EPB41L2: variants seen among roughly 807,000 people sequenced by gnomAD.
The protein encoded by EPB41L2 is band 4.1-like protein 2.
In EPB41L2, 43 loss-of-function variants were observed where a neutral mutation model predicts 113.0. The observed-to-expected ratio is 0.38, with a 90% CI of 0.30 to 0.49. The LOEUF (loss-of-function observed/expected upper bound fraction) is 0.49. EPB41L2 is among the 20% of genes least tolerant of loss of function. The pLI is 0.95. For missense variants in EPB41L2, 1,147 were observed against 1,223.4 expected (o/e 0.94, Z 0.93); for synonymous variants, 442 against 436.7 (o/e 1.01, Z -0.15).
chr6:130,876,896 A>G (rs574080386), intron 14 of EPB41L2: 16 of 373,822 alleles, frequency 4.3e-5, no homozygotes, highest in African/African-American at 3.2e-4. Context: ...GAAGTGGCAC[A>G]TAATGGAAGG....
In EPB41L2 at chr6:130,870,056, A is replaced by G; in HGVS notation, c.2114T>C (p.Ile705Thr). Residue 705 changes from isoleucine to threonine, a missense_variant, in exon 15 of 20, where the codon ATC becomes ACC. Physicochemically the swap from Ile to Thr is moderately conservative, Grantham distance 89. Coordinates refer to ENST00000337057, the MANE Select transcript of EPB41L2 (RefSeq NM_001431.4). ...RAEVGKDERVITEEMNGKEIS... is the reference protein window; with the variant it reads ...RAEVGKDERVTTEEMNGKEIS... ...CTCTTTACCATTCATTTCTTCTGTG[A>G]TTACTCTTTCGTCTTTCCCAACCTC... is the stretch of plus-strand genomic sequence containing the variant. 1.2e-6 allele frequency: 2 copies of G among 1,613,794 alleles called. No homozygotes were observed. The highest frequency in any genetic ancestry group is 1.7e-6 in the Non-Finnish European group (2 of 1,179,938).
At chr6:131,021,087 C>T (rs1789373942) in intron 1 of EPB41L2, among the ~76,000 whole-genome samples, 1 of 152,142 alleles carries the variant, frequency 6.6e-6, no homozygotes, top group Admixed American at 6.5e-5. Context: ...CATGAGCCAC[C>T]ACACTAGGCT....
chr6:130,918,035 T>C (rs55825065), intron 4 of EPB41L2, among the ~76,000 whole-genome samples: 1,964 of 152,310 alleles, frequency 0.013, 38 homozygotes, highest in South Asian at 0.039. Flanking sequence ...TTTGCCTAAA[T>C]TGGGTTTAAG....
intron 4 of EPB41L2, among the ~76,000 whole-genome samples, chr6:130,914,896 TA>T (rs1262077679): frequency 6.6e-6 from 1 of 152,184 alleles, no homozygotes; most frequent in Non-Finnish European, 1.5e-5. Context: ...ATTTATCTCC[TA>T]AATGAACATC....
intron 16 of EPB41L2, among the ~76,000 whole-genome samples, chr6:130,866,363 C>G (rs1783749157): frequency 6.6e-6 from 1 of 152,198 alleles, no homozygotes; most frequent in Non-Finnish European, 1.5e-5. Context: ...GATCACGAAA[C>G]ATATTTGCCC....
At chr6:130,919,529 T>G (rs766854216) in intron 4 of EPB41L2, among the ~76,000 whole-genome samples, 6 of 151,702 alleles carry the variant, frequency 4.0e-5, no homozygotes, top group Non-Finnish European at 8.8e-5. Context: ...CTGTACCTAC[T>G]CTTCAACATC....
chr6:130,936,276 T>A (rs1431523042), intron 3 of EPB41L2, among the ~76,000 whole-genome samples: 1 of 152,240 alleles, frequency 6.6e-6, no homozygotes, highest in African/African-American at 2.4e-5. Context: ...CAAATATTTC[T>A]ACTCTTAGAG....
rs555317599 is a variant in EPB41L2, at chr6:130,886,123, C to T, written c.1661-855G>A. Reference sequence around the variant, plus strand: ...TTCACTTTACATAAAAAGTACTCTACGGACACCATGAAGTTTACTCTGGTT... The same window carrying T: ...TTCACTTTACATAAAAAGTACTCTATGGACACCATGAAGTTTACTCTGGTT... On this transcript the variant is annotated intron_variant, in intron 11 of 19. Coordinates refer to ENST00000337057, the MANE Select transcript of EPB41L2 (RefSeq NM_001431.4). Among the ~76,000 whole-genome samples, 18 of 152,304 alleles carry T rather than the reference C, an allele frequency of 1.2e-4. No homozygotes were observed. In the East Asian group the frequency reaches 2.7e-3, roughly 23 times the overall value.
intron 6 of EPB41L2, among the ~76,000 whole-genome samples, chr6:130,902,221 C>T (rs1554265602): frequency 6.6e-6 from 1 of 152,192 alleles, no homozygotes; most frequent in Non-Finnish European, 1.5e-5. Flanking sequence ...TGGACACTTG[C>T]CTGGCCTGGG....
chr6:130,865,578 T>C lies in EPB41L2; in HGVS notation c.2787A>G (p.Thr929=). The stretch of plus-strand genomic sequence containing the variant: ...TTGTCGTTGTTGACACGGACTCAGA[T>C]GTGATGGTTTGTGCGGTCAGTAACG... ...SGTLLTAQTI[T]SESVSTTTTT... The change falls in exon 17 of 20, where the codon ACA becomes ACG. Residue 929 remains threonine (T), a synonymous_variant. Transcript: ENST00000337057. 1 of 1,614,210 alleles carries C rather than the reference T, an allele frequency of 6.2e-7. No homozygotes were observed. Among genetic ancestry groups the C allele is most frequent in the Non-Finnish European group, 8.5e-7 (1 of 1,180,036 alleles).
chr6:131,061,713 T>C (rs549595432), intron 1 of EPB41L2, among the ~76,000 whole-genome samples: 1 of 152,134 alleles, frequency 6.6e-6, no homozygotes, highest in Non-Finnish European at 1.5e-5. Context: ...CCTCAACTGC[T>C]AAGTCCAAGG....
At position 130,954,047 on chromosome 6, in the gene EPB41L2, T is replaced by C. The variant is rs1369632536; in HGVS notation, c.705+1058A>G. Among the ~76,000 whole-genome samples the C allele has an allele frequency of 2.0e-3, 135 of 67,832 alleles. 3 individuals carry two copies. Among genetic ancestry groups the C allele is most frequent in the East Asian group, 6.4e-3 (9 of 1,398 alleles). 44.5% of individuals were successfully genotyped at this position (67,832 alleles called of 152,430 possible). On this transcript the variant is annotated intron_variant, in intron 3 of 19. Transcript: ENST00000337057. ...TTGCTAGTCCTTTTCTTTCTTTTTT[T>C]TTTTTTTTTTTTTTTTTTTTTTTGA...
chr6:130,931,603 C>T (rs550909459), intron 3 of EPB41L2, among the ~76,000 whole-genome samples: 7 of 151,992 alleles, frequency 4.6e-5, no homozygotes, highest in South Asian at 2.1e-4. Context: ...TCGATTGGGT[C>T]GGCTCAGACA....
chr6:131,023,851 T>C (rs1041273633), intron 1 of EPB41L2, among the ~76,000 whole-genome samples: 2 of 151,696 alleles, frequency 1.3e-5, no homozygotes, highest in African/African-American at 2.4e-5. Flanking sequence ...TTTTCCCATA[T>C]CAAATAAATA....
rs570536877 is a variant in EPB41L2 at position 130,948,381 on chromosome 6, G to A, written c.705+6724C>T. Among the ~76,000 whole-genome samples the A allele has an allele frequency of 2.9e-4, 44 of 152,170 alleles. 1 individual carries two copies. Among genetic ancestry groups the A allele is most frequent in the Non-Finnish European group, 2.8e-4 (19 of 67,992 alleles). On this transcript the variant is annotated intron_variant, in intron 3 of 19. Coordinates refer to ENST00000337057, the MANE Select transcript of EPB41L2 (RefSeq NM_001431.4). ...TTTGTATCATTCCAAAACGAGATCCGAGATCTACGAAATGCATACTAAATA... is the reference window on the plus strand; with the variant it reads ...TTTGTATCATTCCAAAACGAGATCCAAGATCTACGAAATGCATACTAAATA...
Position 130,956,408 on chromosome 6 carries a change from T to C in EPB41L2, c.78A>G (p.Lys26=), listed in dbSNP as rs1184492680. Reference sequence around the variant, plus strand: ...GCTGATTTTCTGCTACTTCTTTAGGTTTTTCCTTGGTTGCATCTGTTCCTA... The same window carrying C: ...GCTGATTTTCTGCTACTTCTTTAGGCTTTTCCTTGGTTGCATCTGTTCCTA... The part of the protein sequence containing the change: ...SQLGTDATKE[K]PKEVAENQQN... Residue 26 remains lysine, a synonymous_variant, in exon 2 of 20, where the codon AAA becomes AAG. Coordinates refer to ENST00000337057, the MANE Select transcript of EPB41L2 (RefSeq NM_001431.4). The C allele has an allele frequency of 3.1e-6, 5 of 1,614,102 alleles. No individual in the cohort carries two copies. Among genetic ancestry groups the C allele is most frequent in the Admixed American group, 3.3e-5 (2 of 60,012 alleles).
chr6:131,048,708 G>A (rs756298576), intron 1 of EPB41L2, among the ~76,000 whole-genome samples: 3 of 152,148 alleles, frequency 2.0e-5, no homozygotes, highest in African/African-American at 4.8e-5. Context: ...GCGAGGATAC[G>A]CGAGGTTCAT....
At chr6:130,939,923 T>A (rs1406579497) in intron 3 of EPB41L2, among the ~76,000 whole-genome samples, 3 of 152,206 alleles carry the variant, frequency 2.0e-5, no homozygotes, top group Non-Finnish European at 4.4e-5. Context: ...AGAATGAACA[T>A]GCACACTTAG....
chr6:130,922,800 A>T (rs1172394337), intron 4 of EPB41L2, among the ~76,000 whole-genome samples: 1 of 152,198 alleles, frequency 6.6e-6, no homozygotes, highest in Non-Finnish European at 1.5e-5. Flanking sequence ...GTTACAAAGA[A>T]GTACTCCTGG....
Sources: allele counts gnomAD v4.1 joint callset (sites outside exome capture counted in the v4.1 genomes callset), GRCh38; gene constraint gnomAD v4.1.1; transcripts MANE v1.5; gene names NCBI Gene and HGNC (gene_info 2026-07-23, HGNC 2026-07-21).